HELQ: variants seen among roughly 807,000 people sequenced by gnomAD.
HELQ encodes the protein helicase, POLQ like, also known as helicase POLQ-like.
A neutral mutation model predicts 111.6 loss-of-function variants in HELQ; 77 were observed. The ratio of observed to expected loss-of-function variants is 0.69; its 90% CI spans 0.57 to 0.83. The LOEUF is 0.83. Ranked by LOEUF, HELQ falls within the 40% of genes least tolerant of loss-of-function variation. The pLI is 0.00. For missense variants in HELQ, 1,200 were observed against 1,288.5 expected, an observed-to-expected ratio of 0.93 and a Z score of 1.05; for synonymous variants, 438 against 454.7, an observed-to-expected ratio of 0.96 and a Z score of 0.47.
rs1485231520 is a variant in HELQ, at chr4:83,427,584, A to G, written c.2655T>C (p.Asp885=). Reference sequence around the variant, plus strand: ...TCACCTGCCTGAAGTATATCATCCAATCAGGGTTACACTGTGAAACCAGAT... The same window carrying G: ...TCACCTGCCTGAAGTATATCATCCAGTCAGGGTTACACTGTGAAACCAGAT... ...PYDLVSQCNP[D]WMIYFRQFSQ... Residue 885 remains aspartate (D), a synonymous_variant, in exon 13 of 18, where the codon GAT becomes GAC. Transcript: ENST00000295488. The G allele has an allele frequency of 4.5e-6, 7 of 1,568,928 alleles. No individual in the cohort carries two copies. In the South Asian group the frequency reaches 6.0e-5, roughly 13 times the overall value.
chr4:83,425,908 T>C (rs1719822655), intron 14 of HELQ, 86 bp downstream of exon 14: 1 of 685,724 alleles, frequency 1.5e-6, no homozygotes, highest in East Asian at 2.6e-5. Flanking sequence ...ATCAATATAA[T>C]GGTACTAATT....
At chr4:83,444,540 T>C (rs1331191652) in intron 5 of HELQ, among the ~76,000 whole-genome samples, 1 of 152,150 alleles carries the variant, frequency 6.6e-6, no homozygotes, top group Non-Finnish European at 1.5e-5. Flanking sequence ...GTTGATGTTG[T>C]TTTAAATAAA....
chr4:83,455,700 G>A lies in HELQ; in HGVS notation c.-7C>T, dbSNP rs776112499. On this transcript the variant is annotated 5_prime_UTR_variant, in exon 1 of 18. Coordinates refer to ENST00000295488, the MANE Select transcript of HELQ (RefSeq NM_133636.5). Reference sequence around the variant, plus strand: ...GGGAACCACATTCATCCATGGCAAGGACCCAGGGCCCTATTCAGACGTCGT... The same window carrying A: ...GGGAACCACATTCATCCATGGCAAGAACCCAGGGCCCTATTCAGACGTCGT... 1 of 1,601,308 alleles carries A rather than the reference G, an allele frequency of 6.2e-7. No homozygotes were observed. The highest frequency in any genetic ancestry group is 2.2e-5 in the East Asian group (1 of 44,868).
chr4:83,417,953 A>G, intron 16 of HELQ, 140 bp downstream of exon 16: 1 of 498,850 alleles, frequency 2.0e-6, no homozygotes, highest in African/African-American at 2.0e-5. Context: ...TATTTGTTTT[A>G]AATAAAAGAT....
intron 3 of HELQ, 152 bp from the exon 4 acceptor site, chr4:83,447,187 A>G: frequency 1.7e-6 from 1 of 578,470 alleles, no homozygotes; most frequent in Non-Finnish European, 3.1e-6. Context: ...ATCTCTATAA[A>G]AAATAAAAAA....
At chr4:83,447,689 T>C (rs912725690) in intron 3 of HELQ, among the ~76,000 whole-genome samples, 4 of 151,800 alleles carry the variant, frequency 2.6e-5, no homozygotes, top group Non-Finnish European at 5.9e-5. Flanking sequence ...CGAGACATCA[T>C]CTCTACCAAA....
chr4:83,453,425 A>T lies in HELQ; in HGVS notation c.818T>A (p.Met273Lys). ...KSIKDHLKNA[M>K]TGNAKAQTPI... ...TGTCTGGGCCTTCGCATTTCCAGTC[A>T]TGGCATTTTTTAGATGATCTTTAAT... The change falls in exon 2 of 18, where the codon ATG becomes AAG. Residue 273 changes from methionine to lysine, a missense_variant. Around this residue, in one of 3 missense-constraint regions of HELQ, gnomAD observed 610 missense variants for 607.1 expected, o/e 1.00. Coordinates refer to ENST00000295488, the MANE Select transcript of HELQ (RefSeq NM_133636.5). 1 of 1,603,446 alleles carries T rather than the reference A, an allele frequency of 6.2e-7. No homozygotes were observed. Among genetic ancestry groups the T allele is most frequent in the Middle Eastern group, 1.7e-4 (1 of 5,996 alleles).
chr4:83,418,639 A>G (rs2109969505), intron 15 of HELQ, among the ~76,000 whole-genome samples: 1 of 152,366 alleles, frequency 6.6e-6, no homozygotes, highest in East Asian at 1.9e-4. Context: ...ATGAGTCAAT[A>G]ACTGTTAAAG....
intron 17 of HELQ, among the ~76,000 whole-genome samples, chr4:83,412,804 A>C (rs1336018530): frequency 6.6e-6 from 1 of 152,216 alleles, no homozygotes; most frequent in Non-Finnish European, 1.5e-5. Context: ...AGCCTGGGCA[A>C]CAGAGCAAGA....
chr4:83,434,214 T>C (rs1019165486), intron 9 of HELQ, among the ~76,000 whole-genome samples: 2 of 147,978 alleles, frequency 1.4e-5, no homozygotes, highest in African/African-American at 5.0e-5. Flanking sequence ...CTACTAAAAA[T>C]ATAAAAATTA....
chr4:83,455,446 T>C lies in HELQ; in HGVS notation c.248A>G (p.Asn83Ser). 3.7e-6 allele frequency: 6 copies of C among 1,613,972 alleles called. No individual in the cohort carries two copies. The highest frequency in any genetic ancestry group is 5.1e-6 in the Non-Finnish European group (6 of 1,179,986). Residue 83 changes from asparagine to serine, a missense_variant, in exon 1 of 18, where the codon AAC (asparagine) becomes AGC (serine). Physicochemically the swap from Asn to Ser is conservative, Grantham distance 46. This residue lies in a region of HELQ where 610 missense variants were observed against 607.1 expected (regional missense o/e 1.00). Transcript: ENST00000295488. ...GGGCATGTGACGTAGGAGGTCCGGG[T>C]TTGTATCACCACCTCCAAGGACGAG... Reference protein sequence around the residue: ...ECLVLGGGDTNPDLLRHMPTD... With the variant: ...ECLVLGGGDTSPDLLRHMPTD...
Position 83,453,698 on chromosome 4 carries a change from C to A in HELQ, c.545G>T (p.Gly182Val). 1 of 1,614,020 alleles carries A rather than the reference C, an allele frequency of 6.2e-7. No homozygotes were observed. Among genetic ancestry groups the A allele is most frequent in the Non-Finnish European group, 8.5e-7 (1 of 1,179,894 alleles). The change falls in exon 2 of 18, where the codon GGT becomes GTT. Residue 182 changes from glycine to valine, a missense_variant. Around this residue, in one of 3 missense-constraint regions of HELQ, gnomAD observed 610 missense variants for 607.1 expected, o/e 1.00. Transcript: ENST00000295488. ...KHTENQSGYEGVTIEPGADLL... is the reference protein window; with the variant it reads ...KHTENQSGYEVVTIEPGADLL... ...ATCAGCTCCAGGTTCAATAGTGACACCTTCATATCCACTCTGGTTCTCTGT... is the reference window on the plus strand; with the variant it reads ...ATCAGCTCCAGGTTCAATAGTGACAACTTCATATCCACTCTGGTTCTCTGT...
At chr4:83,452,550 A>G (rs904749447) in intron 2 of HELQ, among the ~76,000 whole-genome samples, 1 of 152,250 alleles carries the variant, frequency 6.6e-6, no homozygotes, top group African/African-American at 2.4e-5. Flanking sequence ...CACTCAAGAC[A>G]TGTGAGTGTC....
Position 83,436,901 on chromosome 4 carries a change from A to T in HELQ, c.2005T>A (p.Cys669Ser). The T allele has an allele frequency of 6.2e-7, 1 of 1,614,170 alleles. No individual in the cohort carries two copies. Among genetic ancestry groups the T allele is most frequent in the Non-Finnish European group, 8.5e-7 (1 of 1,180,014 alleles). The change falls in exon 9 of 18, where the codon TGC (cysteine) becomes AGC (serine). Residue 669 changes from cysteine to serine, a missense_variant. Transcript: ENST00000295488. ...YSTGVLCLFT[C>S]TSTLAAGVNL... ...ACACCTGCCGCTAGGGTAGATGTGC[A>T]GGTAAAAAGACAGAGCACTCCTGTG...
intron 17 of HELQ, among the ~76,000 whole-genome samples, chr4:83,414,793 G>A (rs1238307052): frequency 6.6e-6 from 1 of 152,044 alleles, no homozygotes; most frequent in Non-Finnish European, 1.5e-5. Context: ...AATGGAGTTA[G>A]GCAAACATCA....
intron 17 of HELQ, among the ~76,000 whole-genome samples, chr4:83,408,652 G>A (rs1047228152): frequency 2.0e-5 from 3 of 150,418 alleles, no homozygotes; most frequent in African/African-American, 4.9e-5. Flanking sequence ...GGGCTCAAAC[G>A]ATCCTCCTGC....
Position 83,453,948 on chromosome 4 carries a change from G to A in HELQ, c.298-3C>T. 3 of 1,558,114 alleles carry A rather than the reference G, an allele frequency of 1.9e-6. No homozygotes were observed. The highest frequency in any genetic ancestry group is 2.6e-6 in the Non-Finnish European group (3 of 1,139,790). On this transcript the variant is annotated splice_region_variant and splice_polypyrimidine_tract_variant and intron_variant, in intron 1 of 17. Transcript: ENST00000295488. ...ATGTCCACTTCACTGTCATTAGGCT[G>A]CAAAGAGAACAAAAACGCTTATGGT...
chr4:83,449,470 C>T (rs564176715), intron 2 of HELQ, among the ~76,000 whole-genome samples: 1 of 152,286 alleles, frequency 6.6e-6, no homozygotes, highest in Non-Finnish European at 1.5e-5. Flanking sequence ...ACCTGAACTT[C>T]GAATGGGTCC....
Position 83,407,380 on chromosome 4 carries a change from A to G in HELQ, c.*73T>C. 1.1e-6 allele frequency: 1 copy of G among 920,888 alleles called. No homozygotes were observed. Among genetic ancestry groups the G allele is most frequent in the Non-Finnish European group, 1.6e-6 (1 of 611,752 alleles). 57.0% of individuals were successfully genotyped at this position (920,888 alleles called of 1,614,324 possible). A position where few individuals can be genotyped will look rare whatever the true frequency, so the allele number is the denominator to read the frequency against. ...AACTGAAATGTATTTTTTCATTTAT[A>G]AAGTATAAGTTATCTTTAATAACAC... is the stretch of plus-strand genomic sequence containing the variant. On this transcript the variant is annotated 3_prime_UTR_variant, in exon 18 of 18. Transcript: ENST00000295488.
Sources: allele counts gnomAD v4.1 joint callset (sites outside exome capture counted in the v4.1 genomes callset), GRCh38; gene constraint gnomAD v4.1.1; regional missense constraint gnomAD v4.1.1; transcripts MANE v1.5; gene names NCBI Gene and HGNC (gene_info 2026-07-23, HGNC 2026-07-21).